Variants in FAM186A observed in about 807,000 individuals in gnomAD.
FAM186A encodes the protein family with sequence similarity 186 member A, also known as protein FAM186A.
In FAM186A, 163 loss-of-function variants were observed where a neutral mutation model predicts 216.8. The observed-to-expected ratio is 0.75, with a 90% CI of 0.66 to 0.86. The LOEUF (loss-of-function observed/expected upper bound fraction) is 0.86, where lower values mean the gene tolerates loss of function less well. Among genes scored for constraint, FAM186A ranks in the 40% least tolerant of loss-of-function variants. FAM186A has a pLI of 0.00. For synonymous variants in FAM186A, 805 were observed against 1,025.3 expected, an observed-to-expected ratio of 0.79 and a Z score of 4.10; for missense variants, 2,184 against 2,746.2, an observed-to-expected ratio of 0.80 and a Z score of 4.58.
intron 1 of FAM186A, among the ~76,000 whole-genome samples, chr12:50,366,698 C>A (rs1296491230): frequency 1.6e-5 from 2 of 125,366 alleles, no homozygotes; most frequent in Non-Finnish European, 3.4e-5. Flanking sequence ...TATTTAACAC[C>A]CTTTCATTAT....
Position 50,352,032 on chromosome 12 carries a change from C to T in FAM186A, c.4800G>A (p.Gly1600=), listed in dbSNP as rs1162746324. 2.8e-6 allele frequency: 4 copies of T among 1,444,898 alleles called. No homozygotes were observed. Among genetic ancestry groups the T allele is most frequent in the Non-Finnish European group, 3.8e-6 (4 of 1,066,320 alleles). 89.5% of individuals were successfully genotyped at this position (1,444,898 alleles called of 1,614,324 possible). Residue 1600 remains glycine (G), a synonymous_variant, in exon 4 of 8, where the codon GGG becomes GGA. Coordinates refer to ENST00000327337, the MANE Select transcript of FAM186A (RefSeq NM_001145475.3). ...GCGCCTGCTGAGGGGTGAGAGGGATCCCCAGTTCCTGCGCCTGCTGAGGGG... is the reference window on the plus strand; with the variant it reads ...GCGCCTGCTGAGGGGTGAGAGGGATTCCCAGTTCCTGCGCCTGCTGAGGGG... ...PLTPQQAQEL[G]IPLTPQQAQA...
rs1347516691 is a variant in FAM186A at position 50,383,505 on chromosome 12, A to G, written c.192+12788T>C. Among the ~76,000 whole-genome samples, 5 of 152,108 alleles carry G rather than the reference A, an allele frequency of 3.3e-5. 1 individual carries two copies. The East Asian group carries it at 9.7e-4, about 30-fold the overall frequency. ...CAGCAACTTGGGAGGCTGAGGCAGA[A>G]GAATCACTAGAACCCGGGAGGCAGA... On this transcript the variant is annotated intron_variant, in intron 1 of 7. Transcript: ENST00000327337.
chr12:50,350,834 T>C lies in FAM186A; in HGVS notation c.5998A>G (p.Thr2000Ala). The change falls in exon 4 of 8, where the codon ACC becomes GCC. Residue 2000 changes from threonine (T) to alanine (A), a missense_variant. By Grantham distance (58) the Thr-to-Ala change is moderately conservative (BLOSUM62 0). Around this residue, in one of 7 missense-constraint regions of FAM186A, gnomAD observed 721 missense variants for 816.4 expected, o/e 0.88. Transcript: ENST00000327337. The part of the protein sequence containing the change: ...MSEVSDTSEE[T>A]QILRDTFAIE... ...GCAAAAGTGTCTCGAAGTATCTGGG[T>C]TTCTTCGGAAGTGTCAGAGACCTCC... 6.4e-7 allele frequency: 1 copy of C among 1,551,660 alleles called. No individual in the cohort carries two copies. Among genetic ancestry groups the C allele is most frequent in the Admixed American group, 2.0e-5 (1 of 50,986 alleles).
chr12:50,366,352 C>T (rs1233755350), intron 1 of FAM186A, among the ~76,000 whole-genome samples: 1 of 152,062 alleles, frequency 6.6e-6, no homozygotes, highest in Non-Finnish European at 1.5e-5. Context: ...TAAATTCTCC[C>T]AGAAAAGTGA....
At chr12:50,341,266 T>G (rs1365315581) in intron 4 of FAM186A, among the ~76,000 whole-genome samples, 1 of 152,228 alleles carries the variant, frequency 6.6e-6, no homozygotes, top group Non-Finnish European at 1.5e-5. Context: ...ACTGTAGTAT[T>G]TTTCTCTTAC....
chr12:50,331,740 A>G lies in FAM186A; in HGVS notation c.6778T>C (p.Phe2260Leu). The change falls in exon 6 of 8, where the codon TTT becomes CTT. Residue 2260 changes from phenylalanine to leucine, a missense_variant. Phe to Leu is a conservative substitution (Grantham distance 22). This residue lies in a region of FAM186A where 721 missense variants were observed against 816.4 expected (regional missense o/e 0.88). Transcript: ENST00000327337. ...AATTTTAAGAATGGCTTTTGAACAA[A>G]TGTGGTAGAGGCAGGTATCTGCTTT... ...EEKQIPASTTFVQKPFLKLLM... is the reference protein window; with the variant it reads ...EEKQIPASTTLVQKPFLKLLM... 6.5e-7 allele frequency: 1 copy of G among 1,550,026 alleles called. No homozygotes were observed. Among genetic ancestry groups the G allele is most frequent in the Middle Eastern group, 1.7e-4 (1 of 5,948 alleles).
Position 50,351,103 on chromosome 12 carries a change from A to G in FAM186A, c.5729T>C (p.Leu1910Pro). ...LQAPSTPGQH[L>P]ATWTLPGRAS... ...TCGCCCAGGAAGGGTCCATGTTGCC[A>G]GATGCTGCCCAGGGGTAGAAGGAGC... Residue 1910 changes from leucine (L) to proline (P), a missense_variant, in exon 4 of 8, where the codon CTG becomes CCG. Physicochemically the swap from Leu to Pro is moderately conservative, Grantham distance 98. Transcript: ENST00000327337. 1.9e-6 allele frequency: 3 copies of G among 1,551,548 alleles called. No individual in the cohort carries two copies. Among genetic ancestry groups the G allele is most frequent in the Non-Finnish European group, 2.6e-6 (3 of 1,146,968 alleles).
At chr12:50,362,726 A>G (rs1167091781) in intron 2 of FAM186A, among the ~76,000 whole-genome samples, 2 of 132,032 alleles carry the variant, frequency 1.5e-5, no homozygotes, top group Non-Finnish European at 3.1e-5. Flanking sequence ...TCTGGGTAAC[A>G]CAGTGAGAAC....
At position 50,375,726 on chromosome 12, in the gene FAM186A, AAG is replaced by A. The variant is rs1491365790; in HGVS notation, c.193-12364_193-12363del. Among the ~76,000 whole-genome samples, 122 of 144,276 alleles carry A rather than the reference AAG, an allele frequency of 8.5e-4. 10 individuals are homozygous for A. Among genetic ancestry groups the A allele is most frequent in the Middle Eastern group, 3.5e-3 (1 of 288 alleles). 94.7% of individuals were successfully genotyped at this position (144,276 alleles called of 152,430 possible). On this transcript the variant is annotated intron_variant, in intron 1 of 7. Coordinates refer to ENST00000327337, the MANE Select transcript of FAM186A (RefSeq NM_001145475.3). ...AGGGAGACTCCATCTCAAAAAAAAAAAGAAAAAGAAAAAGAAAAAGAAATTGA... is the reference window on the plus strand; with the variant it reads ...AGGGAGACTCCATCTCAAAAAAAAAAAAAAAGAAAAAGAAAAAGAAATTGA...
In FAM186A at chr12:50,339,297, G is replaced by A. The variant is rs562292966; in HGVS notation, c.6504-5194C>T. 3.5e-4 allele frequency among the ~76,000 whole-genome samples: 54 copies of A among 152,254 alleles called. 2 individuals carry two copies. The South Asian group carries it at 0.01, about 29-fold the overall frequency. Reference sequence around the variant, plus strand: ...CTCTCAAAGTGCTGGGATTACAGGCGTGTACCACCAGACCGGGCTGATTTT... The same window carrying A: ...CTCTCAAAGTGCTGGGATTACAGGCATGTACCACCAGACCGGGCTGATTTT... On this transcript the variant is annotated intron_variant, in intron 4 of 7. Coordinates refer to ENST00000327337, the MANE Select transcript of FAM186A (RefSeq NM_001145475.3).
chr12:50,357,588 CA>C (rs1302684473), intron 3 of FAM186A, among the ~76,000 whole-genome samples: 1 of 151,484 alleles, frequency 6.6e-6, no homozygotes, highest in Non-Finnish European at 1.5e-5. Flanking sequence ...TCCCAAAAGG[CA>C]AAGATAAAAC....
intron 1 of FAM186A, among the ~76,000 whole-genome samples, chr12:50,378,428 G>C (rs578262047): frequency 1.4e-4 from 21 of 151,806 alleles, no homozygotes; most frequent in African/African-American, 5.1e-4. Context: ...TACTCGGGAG[G>C]CTGAGGCAGG....
chr12:50,340,168 G>A (rs1424026392), intron 4 of FAM186A, among the ~76,000 whole-genome samples: 3 of 151,964 alleles, frequency 2.0e-5, no homozygotes, highest in African/African-American at 7.3e-5. Flanking sequence ...GTTCTTTGAG[G>A]CACAGTTCAG....
At chr12:50,329,583 TTG>T (rs2138755517) in intron 7 of FAM186A, among the ~76,000 whole-genome samples, 1 of 152,190 alleles carries the variant, frequency 6.6e-6, no homozygotes, top group South Asian at 2.1e-4. Flanking sequence ...CTGGACAAAT[TTG>T]TGAATTAACA....
chr12:50,391,825 A>T (rs1320803984), intron 1 of FAM186A, among the ~76,000 whole-genome samples: 1 of 152,264 alleles, frequency 6.6e-6, no homozygotes, highest in East Asian at 1.9e-4. Flanking sequence ...AGCCATTCCA[A>T]GCTTAGGTAT....
intron 1 of FAM186A, among the ~76,000 whole-genome samples, chr12:50,378,987 A>G (rs1196851216): frequency 1.3e-5 from 2 of 152,204 alleles, no homozygotes; most frequent in East Asian, 3.8e-4. Context: ...TAACTATGGT[A>G]TAACTGCACA....
intron 5 of FAM186A, 21 bp downstream of exon 5, chr12:50,333,890 A>G (rs980412227): frequency 1.3e-6 from 2 of 1,545,728 alleles, no homozygotes; most frequent in African/African-American, 2.7e-5. Context: ...TGCTGGACAG[A>G]GGGAGTGGAA....
At chr12:50,389,266 C>T (rs911083869) in intron 1 of FAM186A, among the ~76,000 whole-genome samples, 1 of 151,862 alleles carries the variant, frequency 6.6e-6, no homozygotes, top group South Asian at 2.1e-4. Context: ...TTTGGGAGGC[C>T]GAGGTGGGTG....
intron 4 of FAM186A, 129 bp downstream of exon 4, chr12:50,350,200 T>C: frequency 2.4e-6 from 2 of 830,336 alleles, no homozygotes; most frequent in South Asian, 2.1e-5. Flanking sequence ...TTCCTTCCCA[T>C]AGACCTTATA....
Sources: gnomAD v4.1 joint callset for allele counts (sites outside exome capture counted in the v4.1 genomes callset) on GRCh38, gnomAD v4.1.1 for gene constraint, gnomAD v4.1.1 regional missense constraint, MANE v1.5 for transcripts, NCBI Gene and HGNC (gene_info 2026-07-23, HGNC 2026-07-21) for gene names.